Variants in ALDH3A2 observed in about 807,000 individuals in gnomAD.
The protein encoded by ALDH3A2 is aldehyde dehydrogenase family 3 member A2.
Under a neutral mutation model 51.3 loss-of-function variants are expected in ALDH3A2, and 36 were observed. The ratio of observed to expected loss-of-function variants is 0.70; its 90% CI spans 0.54 to 0.93. The LOEUF (loss-of-function observed/expected upper bound fraction) is 0.93. Ranked by LOEUF, ALDH3A2 falls within the 40% of genes least tolerant of loss-of-function variation. ALDH3A2 has a pLI of 0.00. For missense variants in ALDH3A2, 552 were observed against 603.1 expected (o/e 0.92, Z 0.89); for synonymous variants, 199 against 219.8 (o/e 0.91, Z 0.84).
rs960033760 is a variant in ALDH3A2, at chr17:19,676,733, T to A, written c.*1161T>A. On this transcript the variant is annotated 3_prime_UTR_variant, in exon 10 of 10. Transcript: ENST00000176643. ...TCAGGACCCTAAAGTTGCAGGTTAGTAGGTCTTCAAGGACAAATCTGTAAG... is the reference window on the plus strand; with the variant it reads ...TCAGGACCCTAAAGTTGCAGGTTAGAAGGTCTTCAAGGACAAATCTGTAAG... 6.6e-6 allele frequency: 1 copy of A among 152,234 alleles called. No individual in the cohort carries two copies. The highest frequency in any genetic ancestry group is 6.5e-5 in the Admixed American group (1 of 15,288). 9.4% of individuals were successfully genotyped at this position (152,234 alleles called of 1,614,324 possible).
At position 19,648,866 on chromosome 17, in the gene ALDH3A2, C is replaced by T; in HGVS notation, c.-106C>T. ...GCTGTGGGTTGACGGTGGAGACACCCCCCGGAGGGAGGCGGAGGGAAGGGA... is the reference window on the plus strand; with the variant it reads ...GCTGTGGGTTGACGGTGGAGACACCTCCCGGAGGGAGGCGGAGGGAAGGGA... On this transcript the variant is annotated 5_prime_UTR_variant, in exon 1 of 10. Coordinates refer to ENST00000176643, the MANE Select transcript of ALDH3A2 (RefSeq NM_000382.3). 2.1e-6 allele frequency: 3 copies of T among 1,438,390 alleles called. No individual in the cohort carries two copies. Among genetic ancestry groups the T allele is most frequent in the Non-Finnish European group, 2.8e-6 (3 of 1,062,342 alleles). 89.1% of individuals were successfully genotyped at this position (1,438,390 alleles called of 1,614,324 possible). A position where few individuals can be genotyped will look rare whatever the true frequency, so the allele number is the denominator to read the frequency against.
At chr17:19,675,188 A>C in intron 9 of ALDH3A2, 1 of 210,548 alleles carries the variant, frequency 4.7e-6, no homozygotes, top group Non-Finnish European at 9.4e-6. Flanking sequence ...ACAAAATTGT[A>C]TACCAGTTTT....
At chr17:19,655,527 A>T (rs1466291196) in intron 3 of ALDH3A2, 1 of 152,480 alleles carries the variant, frequency 6.6e-6, no homozygotes, top group Non-Finnish European at 1.5e-5. Context: ...GCCATAGAAA[A>T]GTTAAAGCTT....
In ALDH3A2 at chr17:19,656,423, C is replaced by G. The variant is rs72547561; in HGVS notation, c.529C>G (p.Arg177Gly). The G allele has an allele frequency of 1.9e-6, 3 of 1,614,022 alleles. No homozygotes were observed. The highest frequency in any genetic ancestry group is 1.3e-5 in the African/African-American group (1 of 74,906). The change falls in exon 4 of 10, where the codon CGA becomes GGA. Residue 177 changes from arginine (R) to glycine (G), a missense_variant. Coordinates refer to ENST00000176643, the MANE Select transcript of ALDH3A2 (RefSeq NM_000382.3). ...VEETTELLKQ[R>G]FDHIFYTGNT... ...GGAAACCACGGAGCTCCTGAAGCAG[C>G]GATTTGACCACATTTTCTATACGGG...
At chr17:19,655,918 C>G (rs1364090473) in intron 3 of ALDH3A2, among the ~76,000 whole-genome samples, 1 of 152,258 alleles carries the variant, frequency 6.6e-6, no homozygotes, top group Non-Finnish European at 1.5e-5. Flanking sequence ...CTCTCAGCTA[C>G]TGTGCCGGAT....
intron 1 of ALDH3A2, 102 bp from the exon 2 acceptor site, chr17:19,651,445 A>G (rs1215598098): frequency 3.1e-6 from 3 of 975,044 alleles, no homozygotes; most frequent in South Asian, 2.6e-5. Flanking sequence ...TGATAATGCC[A>G]GTTGTTGTCA....
chr17:19,648,879 C>A lies in ALDH3A2; in HGVS notation c.-93C>A. ...GGTGGAGACACCCCCCGGAGGGAGG[C>A]GGAGGGAAGGGAGGCGAGGCCTGCA... On this transcript the variant is annotated 5_prime_UTR_variant, in exon 1 of 10. Transcript: ENST00000176643. 1 of 1,483,382 alleles carries A rather than the reference C, an allele frequency of 6.7e-7. No homozygotes were observed. The highest frequency in any genetic ancestry group is 9.1e-7 in the Non-Finnish European group (1 of 1,100,698). 91.9% of individuals were successfully genotyped at this position (1,483,382 alleles called of 1,614,324 possible). A position where few individuals can be genotyped will look rare whatever the true frequency, so the allele number is the denominator to read the frequency against.
chr17:19,660,683 A>G (rs1204779819), intron 5 of ALDH3A2, among the ~76,000 whole-genome samples: 2 of 152,226 alleles, frequency 1.3e-5, no homozygotes, highest in African/African-American at 4.8e-5. Context: ...AAAGGGCTAG[A>G]TGGTAAATAT....
chr17:19,665,550 C>T lies in ALDH3A2; in HGVS notation c.1207+503C>T, dbSNP rs2085026210. Reference sequence around the variant, plus strand: ...AGCCCTTTGTTGGGAGGAGCAGCCTCTCCTTGAATTGTTTTGTGATTTGAG... The same window carrying T: ...AGCCCTTTGTTGGGAGGAGCAGCCTTTCCTTGAATTGTTTTGTGATTTGAG... On this transcript the variant is annotated intron_variant, in intron 8 of 9. Transcript: ENST00000176643. 1.3e-5 allele frequency among the ~76,000 whole-genome samples: 2 copies of T among 152,054 alleles called. 1 individual carries two copies. The highest frequency in any genetic ancestry group is 1.3e-4 in the Admixed American group (2 of 15,254).
chr17:19,655,231 G>A (rs1364289373), intron 3 of ALDH3A2: 1 of 152,226 alleles, frequency 6.6e-6, no homozygotes, highest in African/African-American at 2.4e-5. Flanking sequence ...ACTTGTGATG[G>A]ATTGAGGCCA....
chr17:19,670,712 G>A (rs923325008), intron 8 of ALDH3A2, among the ~76,000 whole-genome samples: 22 of 152,156 alleles, frequency 1.4e-4, no homozygotes, highest in Admixed American at 4.6e-4. Context: ...ACAGGCGTGC[G>A]CCACCACGTC....
chr17:19,665,901 G>A (rs1166236358), intron 8 of ALDH3A2, among the ~76,000 whole-genome samples: 1 of 152,120 alleles, frequency 6.6e-6, no homozygotes, highest in Non-Finnish European at 1.5e-5. Flanking sequence ...TGCTCCATGG[G>A]ATGCGATGGC....
At chr17:19,655,153 G>A (rs1597554323) in intron 3 of ALDH3A2, 1 of 152,312 alleles carries the variant, frequency 6.6e-6, no homozygotes, top group Middle Eastern at 3.4e-3. Flanking sequence ...GTTGCTACAG[G>A]GAGGAGTCTT....
intron 8 of ALDH3A2, 85 bp from the exon 9 acceptor site, chr17:19,671,636 A>C (rs1030399682): frequency 8.6e-7 from 1 of 1,167,884 alleles, no homozygotes; most frequent in Non-Finnish European, 1.3e-6. Context: ...CAGGGAGTGC[A>C]TGTGAGCTTT....
chr17:19,673,051 A>T (rs773885839), intron 9 of ALDH3A2: 11 of 1,522,852 alleles, frequency 7.2e-6, no homozygotes, highest in Non-Finnish European at 1.0e-5. Flanking sequence ...AACAACAACA[A>T]CAACAAAAAT....
At chr17:19,673,675 G>C (rs2085151731) in intron 9 of ALDH3A2, among the ~76,000 whole-genome samples, 1 of 151,908 alleles carries the variant, frequency 6.6e-6, no homozygotes, top group Admixed American at 6.6e-5. Flanking sequence ...CCAAGATTGT[G>C]CCACTGCACT....
At chr17:19,652,169 T>C (rs527324572) in intron 2 of ALDH3A2, among the ~76,000 whole-genome samples, 1 of 152,232 alleles carries the variant, frequency 6.6e-6, no homozygotes, top group East Asian at 1.9e-4. Context: ...CTTGGGTATA[T>C]AGCAAATGCC....
At chr17:19,665,296 G>A (rs1376247301) in intron 8 of ALDH3A2, among the ~76,000 whole-genome samples, 9 of 151,432 alleles carry the variant, frequency 5.9e-5, no homozygotes, top group East Asian at 3.9e-4. Context: ...TGTTCACTTC[G>A]TTGATTTTGT....
rs553496809 is a variant in ALDH3A2, at chr17:19,654,214, A to C, written c.471+1582A>C. Among the ~76,000 whole-genome samples, 62 of 152,366 alleles carry C rather than the reference A, an allele frequency of 4.1e-4. No individual in the cohort carries two copies. Among genetic ancestry groups the C allele is most frequent in the Non-Finnish European group, 7.4e-4 (50 of 68,024 alleles). ...CTCCGGCTAGACATAAAAGTTCTCTAAGTCCCCACCCGACTCAGGAGCCCA... is the reference window on the plus strand; with the variant it reads ...CTCCGGCTAGACATAAAAGTTCTCTCAGTCCCCACCCGACTCAGGAGCCCA... On this transcript the variant is annotated intron_variant, in intron 3 of 9. Coordinates refer to ENST00000176643, the MANE Select transcript of ALDH3A2 (RefSeq NM_000382.3). The surrounding 1 kb of genome is among the most constrained non-coding windows in gnomAD (Gnocchi z 4.5).
Sources: gnomAD v4.1 joint callset for allele counts (sites outside exome capture counted in the v4.1 genomes callset) on GRCh38, gnomAD v4.1.1 for gene constraint, Gnocchi (gnomAD v3.1) non-coding constraint, MANE v1.5 for transcripts, NCBI Gene and HGNC (gene_info 2026-07-23, HGNC 2026-07-21) for gene names.